The following TNKS variants were observed in gnomAD, a reference collection of about 807,000 sequenced individuals.
The protein encoded by TNKS is poly [ADP-ribose] polymerase tankyrase-1.
TNKS carries 72 observed loss-of-function variants against 135.8 expected under a neutral mutation model. The observed-to-expected ratio is 0.53, with a 90% CI of 0.44 to 0.64. The LOEUF (loss-of-function observed/expected upper bound fraction) is 0.64, where lower values mean the gene tolerates loss of function less well. Ranked by LOEUF, TNKS falls within the 30% of genes least tolerant of loss-of-function variation. The probability of loss-of-function intolerance (pLI) is 0.00; values close to 1 mark genes in which losing one functional copy is unlikely to be tolerated. For missense variants in TNKS, 1,769 were observed against 1,674.0 expected (o/e 1.06, Z -0.99); for synonymous variants, 849 against 649.3 (o/e 1.31, Z -4.68).
intron 3 of TNKS, among the ~76,000 whole-genome samples, chr8:9,628,977 A>C (rs999071564): frequency 5.3e-5 from 8 of 152,244 alleles, no homozygotes; most frequent in African/African-American, 1.9e-4. Flanking sequence ...TTGTTGTCTT[A>C]CCTTGTGTTC....
At chr8:9,697,202 A>G (rs1391713323) in intron 5 of TNKS, among the ~76,000 whole-genome samples, 1 of 152,212 alleles carries the variant, frequency 6.6e-6, no homozygotes, top group Non-Finnish European at 1.5e-5. Flanking sequence ...TAATGGGGAA[A>G]GGATTCCCTA....
chr8:9,751,063 G>A (rs576298327), intron 18 of TNKS, among the ~76,000 whole-genome samples: 49 of 129,226 alleles, frequency 3.8e-4, no homozygotes, highest in East Asian at 1.8e-3. Context: ...CACATTCGGC[G>A]GGTAGGGGGC....
rs1455078155 is a variant in TNKS, at chr8:9,763,206, G to C, written c.3334G>C (p.Ala1112Pro). The C allele has an allele frequency of 1.2e-6, 2 of 1,607,524 alleles. No individual in the cohort carries two copies. Among genetic ancestry groups the C allele is most frequent in the East Asian group, 2.2e-5 (1 of 44,744 alleles). The part of the protein sequence containing the change: ...VNQGTILLDL[A>P]PEDKEYQSVE... ...TCAGGGAACGATTTTGCTGGATCTT[G>C]CTCCAGAAGATAAAGAATATCAGTC... Residue 1112 changes from alanine to proline, a missense_variant, in exon 22 of 27, where the codon GCT (alanine) becomes CCT (proline). By Grantham distance (27) the Ala-to-Pro change is conservative (BLOSUM62 -1). Around this residue, in one of 5 missense-constraint regions of TNKS, gnomAD observed 722 missense variants for 688.9 expected, o/e 1.05. Coordinates refer to ENST00000310430, the MANE Select transcript of TNKS (RefSeq NM_003747.3).
At chr8:9,672,926 T>G (rs1246845917) in intron 3 of TNKS, among the ~76,000 whole-genome samples, 3 of 152,184 alleles carry the variant, frequency 2.0e-5, no homozygotes, top group African/African-American at 7.2e-5. Context: ...TTCTTTCATG[T>G]GTACTGTGGT....
chr8:9,721,404 T>C (rs1444913877), intron 12 of TNKS, among the ~76,000 whole-genome samples: 1 of 151,258 alleles, frequency 6.6e-6, no homozygotes, highest in African/African-American at 2.4e-5. Flanking sequence ...GATACTGGCT[T>C]CCTAAGTCCC....
At chr8:9,670,298 C>T (rs1802216693) in intron 3 of TNKS, 1 of 152,044 alleles carries the variant, frequency 6.6e-6, no homozygotes, top group Non-Finnish European at 1.5e-5. Context: ...AAATATAAGT[C>T]AGGAGAACAT....
Position 9,761,534 on chromosome 8 carries a change from G to C in TNKS, c.3172G>C (p.Ala1058Pro). ...TTTTCAGATTACACTAGATGTGTTG[G>C]CTGATATGGGTCATGAAGAGTTGAA... is the stretch of plus-strand genomic sequence containing the variant. ...ETEQITLDVL[A>P]DMGHEELKEI... The change falls in exon 21 of 27, where the codon GCT becomes CCT. Residue 1058 changes from alanine (A) to proline (P), a missense_variant. By Grantham distance (27) the Ala-to-Pro change is conservative. Transcript: ENST00000310430. 1 of 1,613,100 alleles carries C rather than the reference G, an allele frequency of 6.2e-7. No individual in the cohort carries two copies. The highest frequency in any genetic ancestry group is 8.5e-7 in the Non-Finnish European group (1 of 1,179,810).
At chr8:9,766,517 G>A (rs1041472905) in intron 25 of TNKS, 92 bp downstream of exon 25, 8 of 1,152,742 alleles carry the variant, frequency 6.9e-6, no homozygotes, top group Non-Finnish European at 9.0e-6. Flanking sequence ...ATGAAGTCTT[G>A]CTCTTGTCAC....
At chr8:9,623,599 T>C (rs1343762921) in intron 3 of TNKS, among the ~76,000 whole-genome samples, 1 of 152,174 alleles carries the variant, frequency 6.6e-6, no homozygotes, top group Admixed American at 6.5e-5. Context: ...ATGGTGCCAA[T>C]AGACTTGCTG....
In TNKS at chr8:9,556,623, TTTGAA is replaced by T; in HGVS notation, c.673+15_673+19del. The T allele has an allele frequency of 6.2e-7, 1 of 1,611,088 alleles. No homozygotes were observed. The highest frequency in any genetic ancestry group is 1.7e-4 in the Middle Eastern group (1 of 6,046). On this transcript the variant is annotated intron_variant, in intron 1 of 26. Transcript: ENST00000310430. ...TGCACTTCGCTGCAGGTCAGAGACT[TTTGAA>T]TTGTTTATTAAGGGTTATGGGTTTG...
At chr8:9,719,828 T>G (rs1804787631) in intron 11 of TNKS, among the ~76,000 whole-genome samples, 1 of 152,222 alleles carries the variant, frequency 6.6e-6, no homozygotes, top group South Asian at 2.1e-4. Context: ...TCTTCAAAGC[T>G]TTAAAAAGGA....
At chr8:9,774,124 T>C (rs1373705026) in intron 26 of TNKS, among the ~76,000 whole-genome samples, 2 of 152,218 alleles carry the variant, frequency 1.3e-5, no homozygotes, top group Non-Finnish European at 2.9e-5. Flanking sequence ...TTATTACATA[T>C]GATTGGACTT....
chr8:9,709,890 C>A (rs562705409), intron 9 of TNKS, 65 bp from the exon 10 acceptor site: 4 of 1,257,998 alleles, frequency 3.2e-6, no homozygotes, highest in East Asian at 2.3e-5. Context: ...AGATACTGTT[C>A]AATTCCAAGA....
rs183158668 is a variant in TNKS at position 9,561,756 on chromosome 8, G to C, written c.673+5144G>C. Among the ~76,000 whole-genome samples, 16 of 152,262 alleles carry C rather than the reference G, an allele frequency of 1.1e-4. No individual in the cohort carries two copies. In the East Asian group the frequency reaches 2.5e-3, roughly 24 times the overall value. On this transcript the variant is annotated intron_variant, in intron 1 of 26. Coordinates refer to ENST00000310430, the MANE Select transcript of TNKS (RefSeq NM_003747.3). ...GGGTCTTAGGGTAGGTAAATGTCCG[G>C]TTTTATAAGAAACTGCCAACACCTT...
rs1271914727 is a variant in TNKS, at chr8:9,726,706, T to G, written c.1987T>G (p.Leu663Val). The G allele has an allele frequency of 6.2e-7, 1 of 1,613,244 alleles. No individual in the cohort carries two copies. The change falls in exon 13 of 27, where the codon TTG becomes GTG. Residue 663 changes from leucine to valine, a missense_variant. By Grantham distance (32) the Leu-to-Val change is conservative. Transcript: ENST00000310430. ...CTTAGAGGCATCTAAAGCTGGAGAC[T>G]TGGAAACTGTGAAGGTAAGTCAGTG... ...RLLEASKAGD[L>V]ETVKQLCSSQ...
chr8:9,580,456 T>C (rs1798124187), intron 2 of TNKS, 73 bp downstream of exon 2: 3 of 1,366,588 alleles, frequency 2.2e-6, no homozygotes, highest in Non-Finnish European at 3.0e-6. Flanking sequence ...ACAAATAGTG[T>C]TTCCTGAGAA....
intron 3 of TNKS, among the ~76,000 whole-genome samples, chr8:9,637,374 G>A (rs34655427): frequency 0.12 from 17,543 of 152,092 alleles, 1,480 homozygotes; most frequent in East Asian, 0.35. Context: ...GGGAAACATT[G>A]CTCTTTATAA....
At chr8:9,597,919 G>A (rs766315757) in intron 2 of TNKS, among the ~76,000 whole-genome samples, 2 of 152,202 alleles carry the variant, frequency 1.3e-5, no homozygotes, top group African/African-American at 4.8e-5. Flanking sequence ...ATAGGATAAT[G>A]TGTCAAATCC....
At chr8:9,573,614 C>T (rs1299098795) in intron 1 of TNKS, among the ~76,000 whole-genome samples, 2 of 152,076 alleles carry the variant, frequency 1.3e-5, no homozygotes, top group Non-Finnish European at 2.9e-5. Context: ...CCTAGACAAC[C>T]CCAAACTTAG....
Sources: allele counts gnomAD v4.1 joint callset (sites outside exome capture counted in the v4.1 genomes callset), GRCh38; gene constraint gnomAD v4.1.1; regional missense constraint gnomAD v4.1.1; transcripts MANE v1.5; gene names NCBI Gene and HGNC (gene_info 2026-07-23, HGNC 2026-07-21).